Variants in RIPK1 observed in about 807,000 individuals in gnomAD.
RIPK1 encodes the protein receptor interacting serine/threonine kinase 1.
A neutral mutation model predicts 62.4 loss-of-function variants in RIPK1; 27 were observed. The observed-to-expected ratio is 0.43, with a 90% CI of 0.32 to 0.60. RIPK1 has a LOEUF of 0.60. Ranked by LOEUF, RIPK1 falls within the 20% of genes least tolerant of loss-of-function variation. RIPK1 has a pLI of 0.07. For synonymous variants in RIPK1, 287 were observed against 303.2 expected (o/e 0.95, Z 0.55); for missense variants, 735 against 831.0 (o/e 0.88, Z 1.42).
chr6:3,067,445 TGTAATA>T (rs1333682371), upstream of RIPK1, among the ~76,000 whole-genome samples: 1 of 152,208 alleles, frequency 6.6e-6, no homozygotes, highest in Non-Finnish European at 1.5e-5. Flanking sequence ...CTAATAAATG[TGTAATA>T]GTATTTGTTT....
Position 3,101,936 on chromosome 6 carries a change from C to T in RIPK1, c.916-2289C>T, listed in dbSNP as rs112187830. 5.3e-3 allele frequency among the ~76,000 whole-genome samples: 805 copies of T among 152,284 alleles called. 7 individuals carry two copies. Among genetic ancestry groups the T allele is most frequent in the African/African-American group, 0.019 (787 of 41,550 alleles). The stretch of plus-strand genomic sequence containing the variant: ...AAACTGAAACTCTGTACCTGCTAAA[C>T]GGTAACTCCCCATTCCTCCCTCTCC... On this transcript the variant is annotated intron_variant, in intron 7 of 10. Transcript: ENST00000259808.
At chr6:3,102,876 G>A (rs773617785) in intron 7 of RIPK1, among the ~76,000 whole-genome samples, 9 of 152,116 alleles carry the variant, frequency 5.9e-5, no homozygotes, top group Non-Finnish European at 1.2e-4. Context: ...GATTACAGGC[G>A]TGAGCTCCCA....
chr6:3,070,110 A>G (rs1373925214), intron 1 of RIPK1, among the ~76,000 whole-genome samples: 3 of 152,222 alleles, frequency 2.0e-5, no homozygotes, highest in East Asian at 3.8e-4. Context: ...GTGTATCATT[A>G]TTACTGATAA....
chr6:3,069,964 T>C (rs1758617500), intron 1 of RIPK1, among the ~76,000 whole-genome samples: 1 of 152,004 alleles, frequency 6.6e-6, no homozygotes, highest in Admixed American at 6.5e-5. Flanking sequence ...TGAGCCGAGA[T>C]TGCCACTTAC....
At chr6:3,112,926 C>A in intron 10 of RIPK1, 127 bp from the exon 11 acceptor site, 1 of 738,630 alleles carries the variant, frequency 1.4e-6, no homozygotes, top group Non-Finnish European at 2.1e-6. Flanking sequence ...AGCTATATAA[C>A]TAAGAAGTTA....
chr6:3,087,661 TC>T (rs1259780420), intron 6 of RIPK1, among the ~76,000 whole-genome samples: 2 of 151,870 alleles, frequency 1.3e-5, no homozygotes, highest in Non-Finnish European at 2.9e-5. Flanking sequence ...TGCCTCAGCC[TC>T]CCGAGTAGCT....
chr6:3,086,040 C>A (rs1359133527), intron 6 of RIPK1, among the ~76,000 whole-genome samples: 1 of 152,206 alleles, frequency 6.6e-6, no homozygotes, highest in Non-Finnish European at 1.5e-5. Flanking sequence ...TTCTTCACTT[C>A]TTTTATTTCC....
chr6:3,068,461 AG>A (rs978853033), upstream of RIPK1: 2 of 985,168 alleles, frequency 2.0e-6, no homozygotes, highest in African/African-American at 3.5e-5. Flanking sequence ...CTCCCCGGCA[AG>A]GGCCGGGGCA....
At chr6:3,073,875 A>T (rs558319848) in intron 1 of RIPK1, among the ~76,000 whole-genome samples, 4 of 152,330 alleles carry the variant, frequency 2.6e-5, no homozygotes, top group African/African-American at 7.2e-5. Context: ...TCTGAAGGTT[A>T]CGTCCACCAC....
In RIPK1 at chr6:3,113,147, A is replaced by G. The variant is rs146128109; in HGVS notation, c.1824A>G (p.Thr608=). The G allele has an allele frequency of 8.1e-5, 130 of 1,613,416 alleles. No homozygotes were observed. The highest frequency in any genetic ancestry group is 1.1e-4 in the Non-Finnish European group (126 of 1,179,444). Reference sequence around the variant, plus strand: ...ACTGTGCCCGTAAACTGGGCTTCACACAGTCTCAGATTGATGAAATTGACC... The same window carrying G: ...ACTGTGCCCGTAAACTGGGCTTCACGCAGTCTCAGATTGATGAAATTGACC... The part of the protein sequence containing the change: ...WKNCARKLGF[T]QSQIDEIDHD... The change falls in exon 11 of 11, where the codon ACA becomes ACG. Residue 608 remains threonine (T), a synonymous_variant. Coordinates refer to ENST00000259808, the MANE Select transcript of RIPK1 (RefSeq NM_001354930.2). This position sits in a 1 kb window ranked among gnomAD's most constrained non-coding sequence, Gnocchi z 5.0.
intron 4 of RIPK1, 111 bp downstream of exon 4, chr6:3,081,227 T>G: frequency 8.0e-7 from 1 of 1,252,802 alleles, no homozygotes; most frequent in South Asian, 1.4e-5. Context: ...TAGCTCAGCT[T>G]ATAACTGTTG....
rs535821895 is a variant in RIPK1, at chr6:3,105,044, G to T, written c.1007-438G>T. ...TTTTTGTATTTTCAGTAGAGATGGG[G>T]TTTCGCCATGTTGGCCAGGCTGGTC... On this transcript the variant is annotated intron_variant, in intron 8 of 10. Coordinates refer to ENST00000259808, the MANE Select transcript of RIPK1 (RefSeq NM_001354930.2). This position sits in a 1 kb window ranked among gnomAD's most constrained non-coding sequence, Gnocchi z 4.5. 6.6e-6 allele frequency among the ~76,000 whole-genome samples: 1 copy of T among 152,134 alleles called. No homozygotes were observed. The highest frequency in any genetic ancestry group is 2.4e-5 in the African/African-American group (1 of 41,506).
chr6:3,089,914 G>A (rs185655903), intron 7 of RIPK1, among the ~76,000 whole-genome samples: 2 of 152,328 alleles, frequency 1.3e-5, no homozygotes, highest in African/African-American at 2.4e-5. Context: ...GCAAAGATTG[G>A]AAAGTACCAT....
chr6:3,065,340 G>A (rs994406893), upstream of RIPK1, among the ~76,000 whole-genome samples: 2 of 151,368 alleles, frequency 1.3e-5, no homozygotes, highest in African/African-American at 4.8e-5. Context: ...GTGGCTGGGG[G>A]TGCGGGTTGT....
At chr6:3,106,377 C>G (rs1343492814) in intron 9 of RIPK1, among the ~76,000 whole-genome samples, 1 of 152,164 alleles carries the variant, frequency 6.6e-6, no homozygotes, top group Admixed American at 6.5e-5. Context: ...TGCTTATTTG[C>G]TTTTACCTTG....
At chr6:3,082,987 G>A (rs987360721) in intron 4 of RIPK1, 98 bp from the exon 5 acceptor site, 45 of 1,161,308 alleles carry the variant, frequency 3.9e-5, no homozygotes, top group Middle Eastern at 2.0e-4. Flanking sequence ...AAAATTTACC[G>A]TACCTTATGT....
chr6:3,094,466 C>T (rs2113656013), intron 7 of RIPK1, among the ~76,000 whole-genome samples: 1 of 151,848 alleles, frequency 6.6e-6, no homozygotes, highest in Non-Finnish European at 1.5e-5. Context: ...AAATAAATCA[C>T]AATGGTATTT....
At chr6:3,076,223 T>C (rs1484302624) in intron 1 of RIPK1, among the ~76,000 whole-genome samples, 1 of 152,198 alleles carries the variant, frequency 6.6e-6, no homozygotes, top group African/African-American at 2.4e-5. Flanking sequence ...TGCTCCATAT[T>C]GCCAGAAATA....
intron 6 of RIPK1, among the ~76,000 whole-genome samples, chr6:3,087,826 C>A (rs1056444750): frequency 1.3e-5 from 2 of 152,186 alleles, no homozygotes; most frequent in Admixed American, 6.5e-5. Context: ...GTGTGAGCCA[C>A]TGTGTCCGGC....
Sources: gnomAD v4.1 joint callset for allele counts (sites outside exome capture counted in the v4.1 genomes callset) on GRCh38, gnomAD v4.1.1 for gene constraint, Gnocchi (gnomAD v3.1) non-coding constraint, MANE v1.5 for transcripts, NCBI Gene and HGNC (gene_info 2026-07-23, HGNC 2026-07-21) for gene names.